GPC5: variants seen among roughly 807,000 people sequenced by gnomAD.
GPC5 encodes glypican 5.
A neutral mutation model predicts 53.9 loss-of-function variants in GPC5; 47 were observed. The ratio of observed to expected loss-of-function variants is 0.87; its 90% CI spans 0.69 to 1.11. The LOEUF is 1.11. GPC5 is among the 50% of genes most tolerant of loss of function. The probability of loss-of-function intolerance (pLI) is 0.00; values close to 1 mark genes in which losing one functional copy is unlikely to be tolerated. For synonymous variants in GPC5, 286 were observed against 263.3 expected, an observed-to-expected ratio of 1.09 and a Z score of -0.84; for missense variants, 748 against 713.1, an observed-to-expected ratio of 1.05 and a Z score of -0.56.
chr13:92,228,461 A>G (rs1046604676), intron 7 of GPC5, among the ~76,000 whole-genome samples: 7 of 152,158 alleles, frequency 4.6e-5, no homozygotes, highest in Admixed American at 4.6e-4. Flanking sequence ...AATAGTCTTA[A>G]GAATTTTAAT....
intron 1 of GPC5, among the ~76,000 whole-genome samples, chr13:91,417,369 C>A (rs1412927255): frequency 2.6e-5 from 4 of 152,052 alleles, no homozygotes; most frequent in Admixed American, 1.3e-4. Context: ...AGGGACAGAA[C>A]TGAGAGATGG....
intron 7 of GPC5, among the ~76,000 whole-genome samples, chr13:92,343,476 T>G (rs901521873): frequency 9.9e-5 from 15 of 152,194 alleles, no homozygotes; most frequent in Admixed American, 5.9e-4. Context: ...TACTATTTTA[T>G]TTTTCTTACA....
At chr13:92,355,785 C>T (rs188288072) in intron 7 of GPC5, among the ~76,000 whole-genome samples, 1 of 152,180 alleles carries the variant, frequency 6.6e-6, no homozygotes, top group African/African-American at 2.4e-5. Flanking sequence ...ATTTCAAGCA[C>T]CCGCTCACTA....
chr13:92,226,627 T>G, intron 7 of GPC5, among the ~76,000 whole-genome samples: 1 of 151,664 alleles, frequency 6.6e-6, no homozygotes, highest in South Asian at 2.1e-4. Flanking sequence ...TTTTTTCTTT[T>G]TTTCTTTTTT....
chr13:91,731,689 C>T (rs187837269), intron 4 of GPC5, among the ~76,000 whole-genome samples: 2 of 152,130 alleles, frequency 1.3e-5, no homozygotes, highest in Admixed American at 1.3e-4. Context: ...TCCTTGCTCC[C>T]CACCCCGACT....
intron 6 of GPC5, among the ~76,000 whole-genome samples, chr13:92,047,240 A>T (rs1191892587): frequency 6.6e-6 from 1 of 152,068 alleles, no homozygotes; most frequent in Non-Finnish European, 1.5e-5. Context: ...CATTTTTTTT[A>T]TAACAAAATA....
At chr13:91,623,455 C>T (rs1333022887) in intron 2 of GPC5, among the ~76,000 whole-genome samples, 5 of 151,854 alleles carry the variant, frequency 3.3e-5, no homozygotes, top group Admixed American at 3.3e-4. Flanking sequence ...GAGGATTCTG[C>T]GTCTAGGGGG....
intron 6 of GPC5, among the ~76,000 whole-genome samples, chr13:91,933,495 A>T (rs924313088): frequency 1.3e-5 from 2 of 151,954 alleles, no homozygotes; most frequent in Non-Finnish European, 2.9e-5. Context: ...CACCCTGCAA[A>T]GGTCTGGGTA....
chr13:92,499,020 C>G (rs1162076796), intron 7 of GPC5, among the ~76,000 whole-genome samples: 2 of 151,872 alleles, frequency 1.3e-5, no homozygotes, highest in Non-Finnish European at 2.9e-5. Context: ...CCTCTTCCCC[C>G]CACTTCATCC....
At chr13:92,679,151 C>A (rs1284686736) in intron 7 of GPC5, among the ~76,000 whole-genome samples, 1 of 152,054 alleles carries the variant, frequency 6.6e-6, no homozygotes, top group Non-Finnish European at 1.5e-5. Context: ...GTATTTGAAG[C>A]CATGAGACTG....
At chr13:91,581,210 ATG>A (rs770894461) in intron 2 of GPC5, among the ~76,000 whole-genome samples, 2 of 152,156 alleles carry the variant, frequency 1.3e-5, no homozygotes, top group Admixed American at 6.5e-5. Flanking sequence ...ATATGTGTCT[ATG>A]TGTGTGTCCA....
intron 2 of GPC5, among the ~76,000 whole-genome samples, chr13:91,612,936 G>A (rs1028855714): frequency 6.6e-6 from 1 of 152,038 alleles, no homozygotes; most frequent in Non-Finnish European, 1.5e-5. Context: ...CAAGGCAAAG[G>A]GGCAAGTCCT....
intron 7 of GPC5, among the ~76,000 whole-genome samples, chr13:92,609,022 T>G (rs1884348202): frequency 6.6e-6 from 1 of 152,068 alleles, no homozygotes; most frequent in Non-Finnish European, 1.5e-5. Flanking sequence ...TGGCAAAATC[T>G]CCTATATGCA....
chr13:92,240,903 A>T (rs2042607355), intron 7 of GPC5: 1 of 152,214 alleles, frequency 6.6e-6, no homozygotes, highest in African/African-American at 2.4e-5. Context: ...CTTGGAAGAC[A>T]TCTCTGTATT....
chr13:91,529,005 T>C (rs1566479047), intron 2 of GPC5, among the ~76,000 whole-genome samples: 1 of 152,114 alleles, frequency 6.6e-6, no homozygotes, highest in Non-Finnish European at 1.5e-5. Flanking sequence ...GAGATTCCAG[T>C]GGGGACACAA....
intron 2 of GPC5, among the ~76,000 whole-genome samples, chr13:91,527,617 C>T (rs915558020): frequency 2.0e-5 from 3 of 152,226 alleles, no homozygotes; most frequent in Non-Finnish European, 4.4e-5. Context: ...TAAGCAGTAC[C>T]CCATTAGGGA....
chr13:91,890,299 G>A (rs897253824), intron 5 of GPC5, among the ~76,000 whole-genome samples: 2 of 152,042 alleles, frequency 1.3e-5, no homozygotes, highest in African/African-American at 4.8e-5. Context: ...CATTTGGCAG[G>A]CTCTATTTTT....
At chr13:92,478,513 C>T (rs1025586854) in intron 7 of GPC5, among the ~76,000 whole-genome samples, 19 of 152,208 alleles carry the variant, frequency 1.2e-4, no homozygotes, top group East Asian at 3.9e-4. Flanking sequence ...AGTGATAATT[C>T]GCTAAAAATG....
chr13:92,711,301 T>C (rs1254414371), intron 7 of GPC5, among the ~76,000 whole-genome samples: 1 of 152,204 alleles, frequency 6.6e-6, no homozygotes, highest in African/African-American at 2.4e-5. Context: ...TGAATTAACA[T>C]GAATGAATTT....
Sources: gnomAD v4.1 joint callset for allele counts (sites outside exome capture counted in the v4.1 genomes callset) on GRCh38, gnomAD v4.1.1 for gene constraint, MANE v1.5 for transcripts, NCBI Gene and HGNC (gene_info 2026-07-23, HGNC 2026-07-21) for gene names.